Variants in R3HDM2 observed in about 807,000 individuals in gnomAD.
The protein encoded by R3HDM2 is R3H domain-containing protein 2.
Under a neutral mutation model 124.5 loss-of-function variants are expected in R3HDM2, and 38 were observed. The observed-to-expected ratio is 0.31, with a 90% confidence interval of 0.24 to 0.40. The LOEUF (loss-of-function observed/expected upper bound fraction) is 0.40. Ranked by LOEUF, R3HDM2 falls within the 10% of genes least tolerant of loss-of-function variation. The probability of loss-of-function intolerance (pLI) is 1.00; values close to 1 mark genes in which losing one functional copy is unlikely to be tolerated. For synonymous variants in R3HDM2, 391 were observed against 448.0 expected (o/e 0.87, Z 1.61); for missense variants, 869 against 1,236.9 (o/e 0.70, Z 4.46).
At chr12:57,408,081 C>T (rs1161200604) in intron 1 of R3HDM2, among the ~76,000 whole-genome samples, 1 of 152,188 alleles carries the variant, frequency 6.6e-6, no homozygotes, top group Non-Finnish European at 1.5e-5. Flanking sequence ...AGGCGTTTGC[C>T]ACCACGCCCA....
At chr12:57,430,268 T>C (rs1372347599) in intron 1 of R3HDM2, among the ~76,000 whole-genome samples, 1 of 151,938 alleles carries the variant, frequency 6.6e-6, no homozygotes, top group Admixed American at 6.6e-5. Flanking sequence ...TATAGAAACA[T>C]CTCCCTGTAT....
chr12:57,261,309 T>C (rs1040135436), intron 19 of R3HDM2, among the ~76,000 whole-genome samples: 1 of 152,200 alleles, frequency 6.6e-6, no homozygotes, highest in Non-Finnish European at 1.5e-5. Flanking sequence ...CATTGCTACC[T>C]GAGGGTCCAA....
Position 57,376,023 on chromosome 12 carries a change from C to T in R3HDM2, c.-36+19726G>A, listed in dbSNP as rs370299377. Among the ~76,000 whole-genome samples the T allele has an allele frequency of 7.9e-4, 120 of 152,336 alleles. 1 individual carries two copies. The South Asian group carries it at 0.023, about 29-fold the overall frequency. On this transcript the variant is annotated intron_variant, in intron 2 of 23. Coordinates refer to ENST00000402412, the MANE Select transcript of R3HDM2 (RefSeq NM_001394031.1). ...CATCAACCAGAGTAAGCCATCATCT[C>T]ATTCTGTAAACCCAGGCTTTCTTAC... is the stretch of plus-strand genomic sequence containing the variant.
At chr12:57,401,101 GAAT>G (rs1470153128) in intron 1 of R3HDM2, among the ~76,000 whole-genome samples, 1 of 150,612 alleles carries the variant, frequency 6.6e-6, no homozygotes, top group Non-Finnish European at 1.5e-5. Context: ...AGAAAAAGAG[GAAT>G]AATAAAGAAC....
intron 11 of R3HDM2, 75 bp downstream of exon 11, chr12:57,292,497 G>A (rs2048864201): frequency 1.0e-6 from 1 of 999,266 alleles, no homozygotes; most frequent in Non-Finnish European, 1.5e-6. Context: ...ATTTGTGGAG[G>A]GTTCATTCCA....
At chr12:57,307,769 G>C (rs2053014950) in intron 3 of R3HDM2, among the ~76,000 whole-genome samples, 4 of 151,814 alleles carry the variant, frequency 2.6e-5, no homozygotes, top group Admixed American at 6.6e-5. Context: ...GGGATTACAG[G>C]GACACGCCAC....
intron 2 of R3HDM2, among the ~76,000 whole-genome samples, chr12:57,381,092 G>A (rs181744636): frequency 6.6e-6 from 1 of 152,014 alleles, no homozygotes; most frequent in East Asian, 1.9e-4. Context: ...ATAGTCGAGC[G>A]TGGTGGTGCA....
chr12:57,283,792 G>T, intron 13 of R3HDM2, 32 bp downstream of exon 13: 4 of 1,592,686 alleles, frequency 2.5e-6, no homozygotes, highest in Non-Finnish European at 3.4e-6. Flanking sequence ...AGAAGGGATG[G>T]GTATGACATG....
chr12:57,355,581 T>C (rs1265074023), intron 2 of R3HDM2, among the ~76,000 whole-genome samples: 1 of 152,152 alleles, frequency 6.6e-6, no homozygotes, highest in Non-Finnish European at 1.5e-5. Context: ...TCACATACCA[T>C]TTTAATTAAT....
At chr12:57,412,417 G>C (rs2069089855) in intron 1 of R3HDM2, among the ~76,000 whole-genome samples, 1 of 151,952 alleles carries the variant, frequency 6.6e-6, no homozygotes. Flanking sequence ...GGTGGCACAC[G>C]CCTGTAATCC....
At chr12:57,288,375 T>C (rs2047851836) in intron 12 of R3HDM2, among the ~76,000 whole-genome samples, 1 of 151,904 alleles carries the variant, frequency 6.6e-6, no homozygotes, top group African/African-American at 2.4e-5. Flanking sequence ...GGTGTCCGTA[T>C]ATGTCTCTCT....
At chr12:57,386,601 C>T (rs2065860152) in intron 2 of R3HDM2, among the ~76,000 whole-genome samples, 2 of 152,050 alleles carry the variant, frequency 1.3e-5, no homozygotes, top group African/African-American at 4.8e-5. Flanking sequence ...GAGCGCCGCC[C>T]CCTGCTCCAC....
At chr12:57,261,752 C>T (rs376297802) in intron 19 of R3HDM2, among the ~76,000 whole-genome samples, 24 of 96,988 alleles carry the variant, frequency 2.5e-4, no homozygotes, top group Middle Eastern at 9.6e-3. Flanking sequence ...TCTTAATAGA[C>T]GTGGCAAAAA....
chr12:57,272,686 G>C, intron 14 of R3HDM2: 1 of 612,796 alleles, frequency 1.6e-6, no homozygotes, highest in Non-Finnish European at 2.8e-6. Flanking sequence ...AATAATCATA[G>C]AAGAAATTTC....
In R3HDM2 at chr12:57,254,024, T is replaced by C; in HGVS notation, c.*749A>G. ...AAGACAAGATGGGGAAGTGAGAGAATGGGGCAATCAATTTTGTTTATCTTA... is the reference window on the plus strand; with the variant it reads ...AAGACAAGATGGGGAAGTGAGAGAACGGGGCAATCAATTTTGTTTATCTTA... On this transcript the variant is annotated 3_prime_UTR_variant, in exon 24 of 24. Transcript: ENST00000402412. 2.5e-6 allele frequency: 1 copy of C among 398,940 alleles called. No homozygotes were observed. The highest frequency in any genetic ancestry group is 4.8e-6 in the Non-Finnish European group (1 of 207,996). The allele number at this position is 398,940 out of a possible 1,614,324, so 24.7% of individuals were successfully genotyped here.
chr12:57,379,677 CT>C lies in R3HDM2; in HGVS notation c.-36+16071del, dbSNP rs377077220. Reference sequence around the variant, plus strand: ...CTATATCCCTTACTCTCAGATAGCTCTGACACAATGATTAAGTATTTGTTAA... The same window carrying C: ...CTATATCCCTTACTCTCAGATAGCTCGACACAATGATTAAGTATTTGTTAA... On this transcript the variant is annotated intron_variant, in intron 2 of 23. Transcript: ENST00000402412. Among the ~76,000 whole-genome samples the C allele has an allele frequency of 4.6e-3, 700 of 152,156 alleles. 4 individuals are homozygous for C. Among genetic ancestry groups the C allele is most frequent in the Admixed American group, 4.5e-3 (68 of 15,256 alleles).
chr12:57,304,054 T>A (rs1264746336), intron 3 of R3HDM2, among the ~76,000 whole-genome samples: 1 of 152,146 alleles, frequency 6.6e-6, no homozygotes, highest in Non-Finnish European at 1.5e-5. Flanking sequence ...AATACACACA[T>A]TCATAGTTCC....
intron 1 of R3HDM2, among the ~76,000 whole-genome samples, chr12:57,413,015 G>A (rs1460031913): frequency 4.6e-5 from 7 of 152,060 alleles, no homozygotes; most frequent in African/African-American, 1.2e-4. Flanking sequence ...TTAGCCAGGC[G>A]TGGTGGCATG....
intron 3 of R3HDM2, among the ~76,000 whole-genome samples, chr12:57,307,845 TAG>T (rs2053037899): frequency 6.6e-6 from 1 of 151,842 alleles, no homozygotes; most frequent in Non-Finnish European, 1.5e-5. Context: ...GGGAAATGCA[TAG>T]AGAGTAGAGT....
Sources: gnomAD v4.1 joint callset for allele counts (sites outside exome capture counted in the v4.1 genomes callset) on GRCh38, gnomAD v4.1.1 for gene constraint, MANE v1.5 for transcripts, NCBI Gene and HGNC (gene_info 2026-07-23, HGNC 2026-07-21) for gene names.